DKC1: variants seen among roughly 807,000 people sequenced by gnomAD.
DKC1 encodes the protein H/ACA ribonucleoprotein complex subunit DKC1.
In DKC1, 4 loss-of-function variants were observed where a neutral mutation model predicts 46.7. The ratio of observed to expected loss-of-function variants is 0.09; its 90% CI spans 0.04 to 0.20. The LOEUF (loss-of-function observed/expected upper bound fraction) is 0.20. DKC1 is among the 10% of genes least tolerant of loss of function. The probability of loss-of-function intolerance (pLI) is 1.00; values close to 1 mark genes in which losing one functional copy is unlikely to be tolerated. For missense variants in DKC1, 171 were observed against 404.2 expected (o/e 0.42, Z 4.95); for synonymous variants, 141 against 142.4 (o/e 0.99, Z 0.07).
chrX:154,766,456 C>G, intron 5 of DKC1, 56 bp downstream of exon 5: 2 of 1,059,551 alleles, frequency 1.9e-6, no homozygotes, highest in Non-Finnish European at 2.6e-6. Flanking sequence ...CTGTATTTCC[C>G]TTCTATGTTT....
Position 154,762,936 on chromosome X carries a change from C to G in DKC1, c.-30C>G, listed in dbSNP as rs1557263717. The G allele has an allele frequency of 2.6e-6, 3 of 1,176,255 alleles. No homozygotes were observed. In the Admixed American group the frequency reaches 7.4e-5, roughly 29 times the overall value. ...CTGCGGTCGTTCCCTCGGCTGTGGACCGGGCGGCACGCACGCGGTGCAGGG... is the reference window on the plus strand; with the variant it reads ...CTGCGGTCGTTCCCTCGGCTGTGGAGCGGGCGGCACGCACGCGGTGCAGGG... On this transcript the variant is annotated 5_prime_UTR_variant, in exon 1 of 15. Coordinates refer to ENST00000369550, the MANE Select transcript of DKC1 (RefSeq NM_001363.5).
At chrX:154,765,664 G>A (rs1557264071) in intron 3 of DKC1, 134 bp downstream of exon 3, 1 of 623,840 alleles carries the variant, frequency 1.6e-6, no homozygotes, top group Non-Finnish European at 2.7e-6. Flanking sequence ...TTTAAAGCAG[G>A]ATTCCTTAAG....
At chrX:154,770,485 A>AAAAAG (rs1209464470) in intron 9 of DKC1, among the ~76,000 whole-genome samples, 1 of 108,428 alleles carries the variant, frequency 9.2e-6, no homozygotes. Flanking sequence ...AAAAAAAAAA[A>AAAAAG]AAAAGAAAAT....
At chrX:154,768,546 A>T in intron 8 of DKC1, 114 bp downstream of exon 8, 1 of 980,296 alleles carries the variant, frequency 1.0e-6, no homozygotes, top group Non-Finnish European at 1.5e-6. Context: ...TGTTGAGTTC[A>T]GTCCAGGGCA....
In DKC1 at chrX:154,764,930, A is replaced by G. The variant is rs1557263991; in HGVS notation, c.48A>G (p.Lys16=). The change falls in exon 2 of 15, where the codon AAA becomes AAG. Residue 16 remains lysine (K), a synonymous_variant. Coordinates refer to ENST00000369550, the MANE Select transcript of DKC1 (RefSeq NM_001363.5). ...TTTTGCCAAAGAAACATAAGAAGAA[A>G]AAGGAGCGGAAGTCATTGCCAGAAG... ...VIILPKKHKK[K]KERKSLPEED... 9 of 1,207,654 alleles carry G rather than the reference A, an allele frequency of 7.5e-6. No individual in the cohort carries two copies. The highest frequency in any genetic ancestry group is 1.0e-5 in the Non-Finnish European group (9 of 892,597).
rs140273992 is a variant in DKC1 at position 154,770,819 on chromosome X, G to A, written c.976G>A (p.Gly326Ser). The stretch of plus-strand genomic sequence containing the variant: ...TCCAGGTGTTCTTCGATATGAGGAC[G>A]GCATTGAGGTCAATCAGGAGATTGT... The part of the protein sequence containing the change: ...MLPGVLRYED[G>S]IEVNQEIVVI... The change falls in exon 10 of 15, where the codon GGC becomes AGC. Residue 326 changes from glycine to serine, a missense_variant. Around this residue, in one of 4 missense-constraint regions of DKC1, gnomAD observed 60 missense variants for 206.5 expected, o/e 0.29. Transcript: ENST00000369550. 12 of 1,209,403 alleles carry A rather than the reference G, an allele frequency of 9.9e-6. No homozygotes were observed. Among genetic ancestry groups the A allele is most frequent in the Admixed American group, 6.6e-5 (3 of 45,801 alleles).
chrX:154,776,919 G>A lies in DKC1; in HGVS notation c.*52G>A, dbSNP rs782173223. 1.1e-5 allele frequency: 11 copies of A among 1,023,849 alleles called. No individual in the cohort carries two copies. In the South Asian group the frequency reaches 1.8e-4, roughly 17 times the overall value. The allele number at this position is 1,023,849 out of a possible 1,213,427, so 84.4% of individuals were successfully genotyped here. A position where few individuals can be genotyped will look rare whatever the true frequency, so the allele number is the denominator to read the frequency against. On this transcript the variant is annotated 3_prime_UTR_variant, in exon 15 of 15. Transcript: ENST00000369550. ...AACTAAAGCCTTATTGAGAAAACAT[G>A]TTATAGATCCTTTTGTTGCTGAGAG... is the stretch of plus-strand genomic sequence containing the variant.
Position 154,775,254 on chromosome X carries a change from A to C in DKC1, c.1319A>C (p.Glu440Ala), listed in dbSNP as rs1569558635. Residue 440 changes from glutamate to alanine, a missense_variant, in exon 13 of 15, where the codon GAA becomes GCA. Transcript: ENST00000369550. ...EVVKAPQVVA[E>A]AAKTAKRKRE... ...GTAAAAGCCCCGCAGGTAGTTGCCG[A>C]AGCAGCAAAAACTGCGAAGGTGAGT... 8.3e-7 allele frequency: 1 copy of C among 1,211,642 alleles called. No individual in the cohort carries two copies. The highest frequency in any genetic ancestry group is 1.1e-6 in the Non-Finnish European group (1 of 895,425).
At chrX:154,774,998 C>T (rs781852299) in intron 12 of DKC1, 197 bp from the exon 13 acceptor site, 16 of 583,040 alleles carry the variant, frequency 2.7e-5, no homozygotes, top group African/African-American at 2.7e-4. Context: ...TGGGCCTGCA[C>T]GGCAGACAGT....
chrX:154,766,149 C>T, intron 4 of DKC1, 67 bp from the exon 5 acceptor site: 1 of 1,114,852 alleles, frequency 9.0e-7, no homozygotes, highest in Non-Finnish European at 1.2e-6. Flanking sequence ...TTTAACTTTT[C>T]AGATTTGTTG....
chrX:154,772,300 C>G (rs1453347048), intron 10 of DKC1, among the ~76,000 whole-genome samples: 2 of 112,078 alleles, frequency 1.8e-5, no homozygotes, highest in Non-Finnish European at 3.8e-5. Flanking sequence ...CATTCTTATG[C>G]ATATGGATAT....
At chrX:154,773,284 CTTTTT>C (rs782491644) in intron 11 of DKC1, 35 bp downstream of exon 11, 11 of 351,095 alleles carry the variant, frequency 3.1e-5, no homozygotes, top group Admixed American at 1.2e-4. Flanking sequence ...CTGCCAGGTT[CTTTTT>C]TTTTTTTTTT....
chrX:154,767,672 GTATGTTTTGCA>G (rs1557264351), intron 7 of DKC1, among the ~76,000 whole-genome samples: 3 of 111,350 alleles, frequency 2.7e-5, no homozygotes, highest in African/African-American at 9.8e-5. Flanking sequence ...TTTCACCAAA[GTATGTTTTGCA>G]TGTGTTTTTT....
At chrX:154,765,027 C>T in intron 2 of DKC1, 61 bp downstream of exon 2, 1 of 972,192 alleles carries the variant, frequency 1.0e-6, no homozygotes, top group Non-Finnish European at 1.5e-6. Context: ...AAATAACAAA[C>T]TAAAGGAAAG....
In DKC1 at chrX:154,762,929, C is replaced by G; in HGVS notation, c.-37C>G. The G allele has an allele frequency of 8.5e-7, 1 of 1,174,583 alleles. No homozygotes were observed. Among genetic ancestry groups the G allele is most frequent in the South Asian group, 1.9e-5 (1 of 53,231 alleles). On this transcript the variant is annotated 5_prime_UTR_variant, in exon 1 of 15. Coordinates refer to ENST00000369550, the MANE Select transcript of DKC1 (RefSeq NM_001363.5). Reference sequence around the variant, plus strand: ...CGGGAGTCTGCGGTCGTTCCCTCGGCTGTGGACCGGGCGGCACGCACGCGG... The same window carrying G: ...CGGGAGTCTGCGGTCGTTCCCTCGGGTGTGGACCGGGCGGCACGCACGCGG...
Position 154,770,898 on chromosome X carries a change from T to G in DKC1, c.1036+19T>G, listed in dbSNP as rs372075611. On this transcript the variant is annotated intron_variant, in intron 10 of 14. Transcript: ENST00000369550. ...TGCATGGGTAAGAGGGGATGTTTAT[T>G]TTTTAAATTCTAAATGTTTGTGGTT... is the stretch of plus-strand genomic sequence containing the variant. 1 of 1,206,512 alleles carries G rather than the reference T, an allele frequency of 8.3e-7. No homozygotes were observed. The highest frequency in any genetic ancestry group is 1.8e-5 in the African/African-American group (1 of 57,018).
At chrX:154,766,433 A>C (rs182282697) in intron 5 of DKC1, 33 bp downstream of exon 5, 219 of 1,140,973 alleles carry the variant, frequency 1.9e-4, no homozygotes, top group Non-Finnish European at 2.5e-4. Context: ...GACTGGCTAG[A>C]GTGAAAAGCT....
At chrX:154,773,944 C>A (rs189831521) in intron 11 of DKC1, among the ~76,000 whole-genome samples, 3,352 of 110,615 alleles carry the variant, frequency 0.03, 143 homozygotes, top group African/African-American at 0.1. Flanking sequence ...GACCCCCCCC[C>A]ACCTCCCTCC....
At chrX:154,763,008 G>A in intron 1 of DKC1, 27 bp downstream of exon 1, 1 of 1,172,200 alleles carries the variant, frequency 8.5e-7, no homozygotes, top group Non-Finnish European at 1.1e-6. Flanking sequence ...TCCGGGCCGT[G>A]CTAACTCCGG....
Sources: gnomAD v4.1 joint callset for allele counts (sites outside exome capture counted in the v4.1 genomes callset) on GRCh38, gnomAD v4.1.1 for gene constraint, gnomAD v4.1.1 regional missense constraint, MANE v1.5 for transcripts, NCBI Gene and HGNC (gene_info 2026-07-23, HGNC 2026-07-21) for gene names.